The following MGLL variants were observed in gnomAD, a reference collection of about 807,000 sequenced individuals.
MGLL encodes the protein lysophospholipase homolog.
MGLL carries 7 observed loss-of-function variants against 29.1 expected under a neutral mutation model. The ratio of observed to expected loss-of-function variants is 0.24; its 90% CI spans 0.14 to 0.45. MGLL has a LOEUF of 0.45. MGLL is among the 20% of genes least tolerant of loss of function. MGLL has a pLI of 0.99. For synonymous variants in MGLL, 148 were observed against 168.3 expected, an observed-to-expected ratio of 0.88 and a Z score of 0.93; for missense variants, 356 against 413.6, an observed-to-expected ratio of 0.86 and a Z score of 1.21.
Position 127,692,115 on chromosome 3 carries a change from T to TTTTTTCA in MGLL, c.*82_*83insTGAAAAA. The TTTTTTCA allele has an allele frequency of 2.0e-6, 1 of 492,142 alleles. No individual in the cohort carries two copies. Among genetic ancestry groups the TTTTTTCA allele is most frequent in the Non-Finnish European group, 3.2e-6 (1 of 316,768 alleles). The allele number at this position is 492,142 out of a possible 1,614,324, so 30.5% of individuals were successfully genotyped here. A position where few individuals can be genotyped will look rare whatever the true frequency, so the allele number is the denominator to read the frequency against. On this transcript the variant is annotated 3_prime_UTR_variant, in exon 8 of 8. Coordinates refer to ENST00000265052, the MANE Select transcript of MGLL (RefSeq NM_007283.7). ...TCTGATTTTTTTTTTTTTTTTTTTT[T>TTTTTTCA]GGCAAGCCATATCTGAGAAGCCATC... is the stretch of plus-strand genomic sequence containing the variant.
chr3:127,817,338 C>A (rs927528187), intron 2 of MGLL, among the ~76,000 whole-genome samples: 1 of 152,206 alleles, frequency 6.6e-6, no homozygotes, highest in Non-Finnish European at 1.5e-5. Context: ...GACAATCACA[C>A]TTTAAGCCAG....
At position 127,720,591 on chromosome 3, in the gene MGLL, C is replaced by A. The variant is rs149345958; in HGVS notation, c.510+462G>T. 1.3e-3 allele frequency among the ~76,000 whole-genome samples: 194 copies of A among 152,328 alleles called. 5 individuals carry two copies. In the East Asian group the frequency reaches 0.031, roughly 25 times the overall value. ...GAAAAACAAAATCACGGATCCCTAACAGTCAGAGGTCAAAAGTGCCCGGGG... is the reference window on the plus strand; with the variant it reads ...GAAAAACAAAATCACGGATCCCTAAAAGTCAGAGGTCAAAAGTGCCCGGGG... On this transcript the variant is annotated intron_variant, in intron 5 of 7. Transcript: ENST00000265052.
chr3:127,715,787 G>C (rs1425293880), intron 5 of MGLL: 2 of 456,736 alleles, frequency 4.4e-6, no homozygotes, highest in Non-Finnish European at 8.8e-6. Flanking sequence ...TGCTGCTCCT[G>C]CTCTCCCACA....
chr3:127,820,534 A>G (rs2077840141), intron 2 of MGLL, among the ~76,000 whole-genome samples: 1 of 152,240 alleles, frequency 6.6e-6, no homozygotes, highest in Non-Finnish European at 1.5e-5. Context: ...CTGTATATTG[A>G]TCAAATTACC....
chr3:127,698,524 T>G (rs1368638047), intron 6 of MGLL, among the ~76,000 whole-genome samples: 1 of 152,144 alleles, frequency 6.6e-6, no homozygotes, highest in Non-Finnish European at 1.5e-5. Context: ...TGATGTAATG[T>G]TCTTCACGTG....
In MGLL at chr3:127,710,608, C is replaced by T. The variant is rs1390310416; in HGVS notation, c.568G>A (p.Asp190Asn). Residue 190 changes from aspartate to asparagine, a missense_variant, in exon 6 of 8, where the codon GAC becomes AAC. Coordinates refer to ENST00000265052, the MANE Select transcript of MGLL (RefSeq NM_007283.7). Reference sequence around the variant, plus strand: ...TTATTCCGAGAGAGCACGCTGGAGTCGATGGGCCCGAGGGACAAGTTTGGC... The same window carrying T: ...TTATTCCGAGAGAGCACGCTGGAGTTGATGGGCCCGAGGGACAAGTTTGGC... ...VLPNLSLGPI[D>N]SSVLSRNKTE... is the part of the protein sequence containing the mutation. The T allele has an allele frequency of 7.6e-6, 12 of 1,571,104 alleles. No homozygotes were observed. Among genetic ancestry groups the T allele is most frequent in the South Asian group, 4.7e-5 (4 of 85,446 alleles).
At chr3:127,780,886 G>A (rs1389837704) in intron 3 of MGLL, among the ~76,000 whole-genome samples, 1 of 152,228 alleles carries the variant, frequency 6.6e-6, no homozygotes, top group Non-Finnish European at 1.5e-5. Context: ...AAATCACCGT[G>A]TTCAGTCACA....
chr3:127,722,595 C>T (rs2075951189), intron 3 of MGLL, 29 bp from the exon 4 acceptor site: 1 of 1,614,080 alleles, frequency 6.2e-7, no homozygotes, highest in African/African-American at 1.3e-5. Flanking sequence ...TGAGAGAGAG[C>T]TGCAGTTACC....
intron 2 of MGLL, among the ~76,000 whole-genome samples, chr3:127,794,266 G>A (rs1195465003): frequency 1.3e-5 from 2 of 152,102 alleles, no homozygotes; most frequent in East Asian, 3.9e-4. Context: ...CCAACATGGT[G>A]CAACCCTTTC....
At chr3:127,782,710 C>T (rs1201311681) in intron 2 of MGLL, among the ~76,000 whole-genome samples, 1 of 152,104 alleles carries the variant, frequency 6.6e-6, no homozygotes, top group South Asian at 2.1e-4. Context: ...ATGCCATGAG[C>T]GATACCCACC....
In MGLL at chr3:127,775,044, G is replaced by A. The variant is rs116411024; in HGVS notation, c.262+6745C>T. 5.3e-3 allele frequency among the ~76,000 whole-genome samples: 811 copies of A among 152,242 alleles called. 10 individuals are homozygous for A. Among genetic ancestry groups the A allele is most frequent in the African/African-American group, 0.015 (625 of 41,520 alleles). On this transcript the variant is annotated intron_variant, in intron 3 of 7. Coordinates refer to ENST00000265052, the MANE Select transcript of MGLL (RefSeq NM_007283.7). ...GACTTACATCAAATAAACTCAACAG[G>A]CTTTCATCAAAGGTAGAGCATTCAC...
At chr3:127,718,161 T>G (rs3821588) in intron 5 of MGLL, among the ~76,000 whole-genome samples, 5,678 of 139,420 alleles carry the variant, frequency 0.041, 111 homozygotes, top group East Asian at 0.12. Context: ...TTGCAGGGGG[T>G]GGGGGCTGGC....
At chr3:127,729,631 C>A (rs76499955) in intron 3 of MGLL, among the ~76,000 whole-genome samples, 2,318 of 152,290 alleles carry the variant, frequency 0.015, 31 homozygotes, top group Middle Eastern at 0.027. Context: ...AATTTATGAA[C>A]AAGTCCTTCA....
rs117275603 is a variant in MGLL, at chr3:127,803,773, C to T, written c.155+17921G>A. On this transcript the variant is annotated intron_variant, in intron 2 of 7. Coordinates refer to ENST00000265052, the MANE Select transcript of MGLL (RefSeq NM_007283.7). ...ATGTCACAGCATGAAATGCCATCAC[C>T]GTGTACCAGGAAAACATTACTCATT... Among the ~76,000 whole-genome samples, 449 of 152,270 alleles carry T rather than the reference C, an allele frequency of 2.9e-3. 6 individuals carry two copies. In the East Asian group the frequency reaches 0.043, roughly 15 times the overall value.
At chr3:127,813,900 A>C (rs1473548809) in intron 2 of MGLL, among the ~76,000 whole-genome samples, 1 of 152,036 alleles carries the variant, frequency 6.6e-6, no homozygotes, top group Non-Finnish European at 1.5e-5. Context: ...AAGATACCTT[A>C]CTGCTCAGTC....
rs145337828 is a variant in MGLL, at chr3:127,711,398, A to G, written c.511-733T>C. 3.0e-3 allele frequency: 455 copies of G among 152,812 alleles called. 2 individuals are homozygous for G. Among genetic ancestry groups the G allele is most frequent in the South Asian group, 0.01 (49 of 4,824 alleles). The allele number at this position is 152,812 out of a possible 1,614,324, so 9.5% of individuals were successfully genotyped here. A position where few individuals can be genotyped will look rare whatever the true frequency, so the allele number is the denominator to read the frequency against. On this transcript the variant is annotated intron_variant, in intron 5 of 7. Coordinates refer to ENST00000265052, the MANE Select transcript of MGLL (RefSeq NM_007283.7). Reference sequence around the variant, plus strand: ...TGCTCATTGAACTTGAGCCTGATTGAGGCCCAAACCTTCCCACCCCCTCCC... The same window carrying G: ...TGCTCATTGAACTTGAGCCTGATTGGGGCCCAAACCTTCCCACCCCCTCCC...
intron 3 of MGLL, 99 bp from the exon 4 acceptor site, chr3:127,722,665 G>C: frequency 6.6e-7 from 1 of 1,508,040 alleles, no homozygotes; most frequent in South Asian, 1.1e-5. Flanking sequence ...TCTCCTGAGC[G>C]CCTGAATGTG....
chr3:127,710,906 A>G lies in MGLL; in HGVS notation c.511-241T>C, dbSNP rs540385870. Reference sequence around the variant, plus strand: ...GCTGGCCAGGCAGCCGCTGCGCCCAAGGTGGGAAGTCACGTCTGAATTTTG... The same window carrying G: ...GCTGGCCAGGCAGCCGCTGCGCCCAGGGTGGGAAGTCACGTCTGAATTTTG... On this transcript the variant is annotated intron_variant, in intron 5 of 7. Transcript: ENST00000265052. The G allele has an allele frequency of 9.3e-6, 5 of 536,338 alleles. No homozygotes were observed. In the African/African-American group the frequency reaches 9.6e-5, roughly 10 times the overall value. The allele number at this position is 536,338 out of a possible 1,614,324, so 33.2% of individuals were successfully genotyped here. A position where few individuals can be genotyped will look rare whatever the true frequency, so the allele number is the denominator to read the frequency against.
chr3:127,736,202 T>C, intron 3 of MGLL: 1 of 1,009,168 alleles, frequency 9.9e-7, no homozygotes, highest in South Asian at 4.6e-5. Flanking sequence ...AGTATCACTT[T>C]AAAAAACAAA....
Sources: allele counts gnomAD v4.1 joint callset (sites outside exome capture counted in the v4.1 genomes callset), GRCh38; gene constraint gnomAD v4.1.1; transcripts MANE v1.5; gene names NCBI Gene and HGNC (gene_info 2026-07-23, HGNC 2026-07-21).